EYS: variants seen among roughly 807,000 people sequenced by gnomAD.
EYS encodes the protein protein eyes shut homolog.
Under a neutral mutation model 282.1 loss-of-function variants are expected in EYS, and 250 were observed. The ratio of observed to expected loss-of-function variants is 0.89; its 90% CI spans 0.80 to 0.98. The LOEUF is 0.98. Among genes scored for constraint, EYS ranks in the 50% least tolerant of loss-of-function variants. EYS has a pLI of 0.00. For missense variants in EYS, 4,016 were observed against 3,709.0 expected (o/e 1.08, Z -2.15); for synonymous variants, 1,355 against 1,282.9 (o/e 1.06, Z -1.20).
intron 28 of EYS, among the ~76,000 whole-genome samples, chr6:64,417,602 G>T (rs1446809137): frequency 6.6e-6 from 1 of 150,560 alleles, no homozygotes; most frequent in Non-Finnish European, 1.5e-5. Context: ...ATTATTTCAG[G>T]AATAATATTT....
chr6:65,200,499 A>G (rs1479565805), intron 12 of EYS, among the ~76,000 whole-genome samples: 1 of 151,636 alleles, frequency 6.6e-6, no homozygotes, highest in Non-Finnish European at 1.5e-5. Flanking sequence ...GAGAGGCAGC[A>G]GAAGCCAGAG....
At position 63,875,685 on chromosome 6, in the gene EYS, C is replaced by T. The variant is rs547065323; in HGVS notation, c.7056-11327G>A. 3.6e-4 allele frequency among the ~76,000 whole-genome samples: 55 copies of T among 152,272 alleles called. No individual in the cohort carries two copies. In the East Asian group the frequency reaches 4.6e-3, roughly 13 times the overall value. On this transcript the variant is annotated intron_variant, in intron 35 of 42. Transcript: ENST00000503581. ...GTCTATTCAGGGATTCAACTTCTTC[C>T]TGGTTTAGTCTTGGGAGGGTGTATG...
chr6:64,044,876 C>T (rs4645399), intron 33 of EYS, among the ~76,000 whole-genome samples: 32,430 of 151,974 alleles, frequency 0.21, 3,728 homozygotes, highest in Middle Eastern at 0.33. Context: ...ATATTACAAA[C>T]CAAATGACAA....
chr6:64,091,042 C>T (rs1349559749), intron 31 of EYS, among the ~76,000 whole-genome samples: 1 of 152,160 alleles, frequency 6.6e-6, no homozygotes, highest in African/African-American at 2.4e-5. Flanking sequence ...ACTCACCTTC[C>T]AAGACTGCCT....
chr6:63,843,625 A>G (rs182837673), intron 36 of EYS, among the ~76,000 whole-genome samples: 34 of 152,328 alleles, frequency 2.2e-4, no homozygotes, highest in African/African-American at 7.7e-4. Flanking sequence ...GCTATTTATG[A>G]CAAAGCCACA....
chr6:65,027,641 A>G (rs1357272561), intron 13 of EYS, among the ~76,000 whole-genome samples: 4 of 152,204 alleles, frequency 2.6e-5, no homozygotes, highest in South Asian at 2.1e-4. Context: ...TGAATGCTGT[A>G]TAAGTGGAAT....
intron 35 of EYS, among the ~76,000 whole-genome samples, chr6:63,930,823 G>A (rs879808754): frequency 2.6e-5 from 4 of 152,060 alleles, no homozygotes; most frequent in Non-Finnish European, 4.4e-5. Context: ...TCCAAACCTT[G>A]CAACCCACCC....
chr6:64,482,238 T>C (rs976448259), intron 26 of EYS, among the ~76,000 whole-genome samples: 1 of 151,690 alleles, frequency 6.6e-6, no homozygotes, highest in African/African-American at 2.4e-5. Flanking sequence ...CCATTCCTGA[T>C]CCACTCACTT....
At chr6:64,652,723 G>A (rs4594928) in intron 22 of EYS, among the ~76,000 whole-genome samples, 97,379 of 152,102 alleles carry the variant, frequency 0.64, 31,402 homozygotes, top group African/African-American at 0.71. Flanking sequence ...TCATGAAATC[G>A]TCATTTATGA....
In EYS at chr6:65,604,841, C is replaced by CT. The variant is rs1562283107; in HGVS notation, c.-333+34936_-333+34937insA. ...TAAAAGACCTTTAAATTCACTGCCC[C>CT]CTTTTTTTTTTTTTTTTTTTGAGAC... On this transcript the variant is annotated intron_variant, in intron 2 of 42. Coordinates refer to ENST00000503581, the MANE Select transcript of EYS (RefSeq NM_001142800.2). 6.1e-4 allele frequency among the ~76,000 whole-genome samples: 69 copies of CT among 112,576 alleles called. 1 individual carries two copies. The highest frequency in any genetic ancestry group is 2.0e-3 in the African/African-American group (58 of 28,322). The allele number at this position is 112,576 out of a possible 152,430, so 73.9% of individuals were successfully genotyped here. A position where few individuals can be genotyped will look rare whatever the true frequency, so the allele number is the denominator to read the frequency against.
intron 31 of EYS, among the ~76,000 whole-genome samples, chr6:64,116,263 G>A (rs899121012): frequency 2.0e-5 from 3 of 152,048 alleles, no homozygotes; most frequent in Non-Finnish European, 4.4e-5. Context: ...AACAGAAAAG[G>A]AAAGAACTTT....
At chr6:63,933,546 A>C (rs967688249) in intron 35 of EYS, among the ~76,000 whole-genome samples, 4 of 152,260 alleles carry the variant, frequency 2.6e-5, no homozygotes, top group Admixed American at 1.3e-4. Context: ...TGTAGGCATA[A>C]TTGATTACAT....
intron 12 of EYS, among the ~76,000 whole-genome samples, chr6:65,131,646 A>G: frequency 6.6e-6 from 1 of 151,920 alleles, no homozygotes; most frequent in Non-Finnish European, 1.5e-5. Flanking sequence ...GTAACTACCT[A>G]ACATCACAAC....
intron 19 of EYS, among the ~76,000 whole-genome samples, chr6:64,826,980 T>C (rs1765080526): frequency 6.6e-6 from 1 of 151,808 alleles, no homozygotes; most frequent in Non-Finnish European, 1.5e-5. Flanking sequence ...TCTGATATTA[T>C]CAAATACTCT....
chr6:63,965,319 G>C (rs1368802920), intron 35 of EYS, among the ~76,000 whole-genome samples: 1 of 152,216 alleles, frequency 6.6e-6, no homozygotes, highest in African/African-American at 2.4e-5. Context: ...GCAGCTGGCA[G>C]AAGAAAAGGT....
chr6:65,093,296 A>T (rs1426361529), intron 12 of EYS, among the ~76,000 whole-genome samples: 3 of 152,012 alleles, frequency 2.0e-5, no homozygotes, highest in Admixed American at 2.0e-4. Flanking sequence ...TGCTAAAAGG[A>T]ATTCTGAAAG....
chr6:65,381,926 C>T (rs1765626969), intron 8 of EYS, among the ~76,000 whole-genome samples: 1 of 151,868 alleles, frequency 6.6e-6, no homozygotes, highest in South Asian at 2.1e-4. Flanking sequence ...AGGTAGGCAT[C>T]AACTGGTTTC....
chr6:65,573,759 C>A (rs1375675712), intron 2 of EYS, among the ~76,000 whole-genome samples: 1 of 151,968 alleles, frequency 6.6e-6, no homozygotes, highest in Non-Finnish European at 1.5e-5. Flanking sequence ...GAACATCAGC[C>A]CAGCTGTGAT....
At chr6:64,813,740 T>C (rs1170822322) in intron 21 of EYS, among the ~76,000 whole-genome samples, 163 bp from the exon 22 acceptor site, 1 of 151,782 alleles carries the variant, frequency 6.6e-6, no homozygotes, top group Non-Finnish European at 1.5e-5. Context: ...CAGTAAGCGG[T>C]TTTTTACCTT....
Sources: allele counts gnomAD v4.1 joint callset (sites outside exome capture counted in the v4.1 genomes callset), GRCh38; gene constraint gnomAD v4.1.1; transcripts MANE v1.5; gene names NCBI Gene and HGNC (gene_info 2026-07-23, HGNC 2026-07-21).